INPP5A: variants seen among roughly 807,000 people sequenced by gnomAD.
INPP5A encodes 43 kDa inositol polyphosphate 5-phophatase.
INPP5A carries 14 observed loss-of-function variants against 65.2 expected under a neutral mutation model. The observed-to-expected ratio is 0.21, with a 90% CI of 0.14 to 0.34. The LOEUF is 0.34. Ranked by LOEUF, INPP5A falls within the 10% of genes least tolerant of loss-of-function variation. The pLI, the probability that INPP5A is intolerant of heterozygous loss-of-function variation, is 1.00. For missense variants in INPP5A, 431 were observed against 545.6 expected (o/e 0.79, Z 2.09); for synonymous variants, 207 against 208.3 (o/e 0.99, Z 0.05).
chr10:132,712,640 G>T (rs1421167892), intron 8 of INPP5A, among the ~76,000 whole-genome samples: 17 of 151,628 alleles, frequency 1.1e-4, no homozygotes, highest in Non-Finnish European at 2.4e-4. Context: ...ATATGCATGT[G>T]TGGGTGCATG....
Position 132,635,386 on chromosome 10 carries a change from ATTTTTTTTTTTT to A in INPP5A, c.118-10466_118-10455del, listed in dbSNP as rs775271931. On this transcript the variant is annotated intron_variant, in intron 2 of 15. Coordinates refer to ENST00000368594, the MANE Select transcript of INPP5A (RefSeq NM_005539.5). ...TTATTGGCTGTTTGCCTTTTTAAAG[ATTTTTTTTTTTT>A]TTTTTTTTTTTTTTTGAGACGGAGT... Among the ~76,000 whole-genome samples the A allele has an allele frequency of 3.7e-4, 20 of 54,502 alleles. 1 individual carries two copies. The Admixed American group carries it at 4.4e-3, about 12-fold the overall frequency. 35.8% of individuals were successfully genotyped at this position (54,502 alleles called of 152,430 possible).
Position 132,616,420 on chromosome 10 carries a change from T to C in INPP5A, c.117+8464T>C, listed in dbSNP as rs1369855477. ...GTGGCGTGCGGGGACGCCGTGGGCG[T>C]GGTGTGGGATATGTGGTATTGGGAA... On this transcript the variant is annotated intron_variant, in intron 2 of 15. Transcript: ENST00000368594. This position sits in a 1 kb window ranked among gnomAD's most constrained non-coding sequence, Gnocchi z 4.9. Among the ~76,000 whole-genome samples, 1 of 149,238 alleles carries C rather than the reference T, an allele frequency of 6.7e-6. No individual in the cohort carries two copies. Among genetic ancestry groups the C allele is most frequent in the Non-Finnish European group, 1.5e-5 (1 of 67,420 alleles).
rs1181441365 is a variant in INPP5A, at chr10:132,637,688, C to A, written c.118-8180C>A. 6.6e-6 allele frequency among the ~76,000 whole-genome samples: 1 copy of A among 152,144 alleles called. No homozygotes were observed. The highest frequency in any genetic ancestry group is 1.5e-5 in the Non-Finnish European group (1 of 68,036). ...ATGACTGTTCTGTGCTTTGCCTTTG[C>A]CGCCCCCGAGGTTGATGGGCGCTCT... On this transcript the variant is annotated intron_variant, in intron 2 of 15. Coordinates refer to ENST00000368594, the MANE Select transcript of INPP5A (RefSeq NM_005539.5). This position sits in a 1 kb window ranked among gnomAD's most constrained non-coding sequence, Gnocchi z 4.1.
chr10:132,634,488 C>G (rs2072315933), intron 2 of INPP5A, among the ~76,000 whole-genome samples: 1 of 152,218 alleles, frequency 6.6e-6, no homozygotes, highest in Admixed American at 6.5e-5. Flanking sequence ...CTGCAGGTGT[C>G]AGATGTGGTT....
At chr10:132,596,802 C>A (rs1192345661) in intron 1 of INPP5A, among the ~76,000 whole-genome samples, 1 of 144,184 alleles carries the variant, frequency 6.9e-6, no homozygotes, top group Non-Finnish European at 1.5e-5. Flanking sequence ...TGTACATGTG[C>A]GCGTTTGTGT....
Position 132,704,023 on chromosome 10 carries a change from G to A in INPP5A, c.475-4290G>A, listed in dbSNP as rs567649654. Among the ~76,000 whole-genome samples, 185 of 114,014 alleles carry A rather than the reference G, an allele frequency of 1.6e-3. No homozygotes were observed. The highest frequency in any genetic ancestry group is 5.8e-3 in the African/African-American group (170 of 29,508). The allele number at this position is 114,014 out of a possible 152,430, so 74.8% of individuals were successfully genotyped here. ...CGCACGGCTTCACCCCCCCACACAC[G>A]CGTGGCTTCACCCCCACACACACGC... On this transcript the variant is annotated intron_variant, in intron 6 of 15. Transcript: ENST00000368594. The surrounding 1 kb of genome is among the most constrained non-coding windows in gnomAD (Gnocchi z 4.5).
chr10:132,577,226 C>A (rs955924664), intron 1 of INPP5A, among the ~76,000 whole-genome samples: 2 of 152,140 alleles, frequency 1.3e-5, no homozygotes, highest in African/African-American at 4.8e-5. Flanking sequence ...GGTTGCTCCC[C>A]CCCGGCACGC....
chr10:132,663,938 G>T lies in INPP5A; in HGVS notation c.306+13433G>T, dbSNP rs2072770450. ...TGGGCAGCCGATCCATCAGGCGGCC[G>T]ACAGGCGTGATCGAGTGCCGTGTCA... On this transcript the variant is annotated intron_variant, in intron 4 of 15. Transcript: ENST00000368594. This position sits in a 1 kb window ranked among gnomAD's most constrained non-coding sequence, Gnocchi z 4.5. Among the ~76,000 whole-genome samples, 1 of 152,254 alleles carries T rather than the reference G, an allele frequency of 6.6e-6. No homozygotes were observed. The highest frequency in any genetic ancestry group is 1.5e-5 in the Non-Finnish European group (1 of 68,050).
chr10:132,628,475 G>C (rs1044243999), intron 2 of INPP5A, among the ~76,000 whole-genome samples: 11 of 150,866 alleles, frequency 7.3e-5, no homozygotes, highest in South Asian at 2.1e-4. Flanking sequence ...GGGGGGGGGG[G>C]GGGCGTGGCG....
At chr10:132,730,972 A>G (rs576785023) in intron 9 of INPP5A, among the ~76,000 whole-genome samples, 167 of 152,342 alleles carry the variant, frequency 1.1e-3, no homozygotes, top group African/African-American at 3.5e-3. Flanking sequence ...CAACCAGTGC[A>G]GGGGCTACCA....
chr10:132,694,870 A>G (rs1280009167), intron 5 of INPP5A, among the ~76,000 whole-genome samples: 1 of 152,238 alleles, frequency 6.6e-6, no homozygotes, highest in African/African-American at 2.4e-5. Context: ...GTCTATAGCT[A>G]TTAACAACAC....
chr10:132,619,320 C>G (rs1274717278), intron 2 of INPP5A, among the ~76,000 whole-genome samples: 1 of 152,234 alleles, frequency 6.6e-6, no homozygotes, highest in Non-Finnish European at 1.5e-5. Flanking sequence ...TCTTAAAGCT[C>G]CAAAATCATC....
At chr10:132,739,073 G>T (rs1049891551) in intron 9 of INPP5A, among the ~76,000 whole-genome samples, 1 of 152,102 alleles carries the variant, frequency 6.6e-6, no homozygotes, top group Non-Finnish European at 1.5e-5. Context: ...GGCCCGCCCC[G>T]CAGCCCTCCC....
chr10:132,666,821 C>G (rs1323029084), intron 4 of INPP5A, among the ~76,000 whole-genome samples: 6 of 152,208 alleles, frequency 3.9e-5, no homozygotes, highest in Non-Finnish European at 1.5e-5. Flanking sequence ...CGGCAGGCTA[C>G]CCACCCACCT....
intron 2 of INPP5A, among the ~76,000 whole-genome samples, chr10:132,635,386 ATTTTTTTTTTTTT>A (rs775271931): frequency 3.7e-5 from 2 of 54,518 alleles, no homozygotes; most frequent in East Asian, 6.9e-4. Context: ...CTTTTTAAAG[ATTTTTTTTTTTTT>A]TTTTTTTTTT....
rs567422520 is a variant in INPP5A, at chr10:132,627,411, G to T, written c.118-18457G>T. 7.2e-4 allele frequency among the ~76,000 whole-genome samples: 109 copies of T among 152,286 alleles called. No individual in the cohort carries two copies. The highest frequency in any genetic ancestry group is 1.1e-3 in the Non-Finnish European group (75 of 68,018). On this transcript the variant is annotated intron_variant, in intron 2 of 15. Transcript: ENST00000368594. This position sits in a 1 kb window ranked among gnomAD's most constrained non-coding sequence, Gnocchi z 6.6. ...TCTGTCCTGGCCGCTGAGCAGGTGGGTCTGGAGGGCGGTGGGGCTGGCGGT... is the reference window on the plus strand; with the variant it reads ...TCTGTCCTGGCCGCTGAGCAGGTGGTTCTGGAGGGCGGTGGGGCTGGCGGT...
chr10:132,710,242 G>A, intron 7 of INPP5A, 95 bp from the exon 8 acceptor site: 2 of 1,462,202 alleles, frequency 1.4e-6, no homozygotes, highest in South Asian at 1.3e-5. Context: ...GGAGGCCAGT[G>A]CAGGTCTTAT....
chr10:132,570,100 C>T (rs2071322285), intron 1 of INPP5A, among the ~76,000 whole-genome samples: 1 of 150,232 alleles, frequency 6.7e-6, no homozygotes, highest in Non-Finnish European at 1.5e-5. Flanking sequence ...GCGCTGGGCC[C>T]CCACTGTTTT....
intron 2 of INPP5A, among the ~76,000 whole-genome samples, chr10:132,618,699 C>T (rs767768238): frequency 2.0e-5 from 3 of 152,178 alleles, no homozygotes; most frequent in Non-Finnish European, 4.4e-5. Context: ...AGTGCTGGCA[C>T]CTGCTCAGCC....
Sources: gnomAD v4.1 joint callset for allele counts (sites outside exome capture counted in the v4.1 genomes callset) on GRCh38, gnomAD v4.1.1 for gene constraint, Gnocchi (gnomAD v3.1) non-coding constraint, MANE v1.5 for transcripts, NCBI Gene and HGNC (gene_info 2026-07-23, HGNC 2026-07-21) for gene names.